The following CSMD3 variants were observed in gnomAD, a reference collection of about 807,000 sequenced individuals.
CSMD3 encodes CUB and sushi domain-containing protein 3.
CSMD3 carries 177 observed loss-of-function variants against 435.2 expected under a neutral mutation model. The observed-to-expected ratio is 0.41, with a 90% CI of 0.36 to 0.46. The LOEUF is 0.46. CSMD3 is among the 20% of genes least tolerant of loss of function. The pLI is 0.34. For synonymous variants in CSMD3, 1,656 were observed against 1,520.5 expected (o/e 1.09, Z -2.07); for missense variants, 4,265 against 4,504.6 (o/e 0.95, Z 1.52).
chr8:113,340,333 T>C (rs1457870444), intron 1 of CSMD3, among the ~76,000 whole-genome samples: 5 of 152,110 alleles, frequency 3.3e-5, no homozygotes, highest in Non-Finnish European at 2.9e-5. Flanking sequence ...GTTTGTACTA[T>C]TGTTTCTGTG....
chr8:112,365,678 T>C (rs1030926064), intron 38 of CSMD3, among the ~76,000 whole-genome samples: 46 of 152,224 alleles, frequency 3.0e-4, no homozygotes, highest in South Asian at 1.0e-3. Flanking sequence ...GTGAAATTCA[T>C]TGATGCTTTA....
Position 112,291,897 on chromosome 8 carries a change from T to A in CSMD3, c.8789-202A>T, listed in dbSNP as rs554401939. Among the ~76,000 whole-genome samples the A allele has an allele frequency of 4.0e-5, 6 of 151,896 alleles. No homozygotes were observed. The East Asian group carries it at 1.2e-3, about 29-fold the overall frequency. On this transcript the variant is annotated intron_variant, in intron 55 of 70. Transcript: ENST00000297405. The stretch of plus-strand genomic sequence containing the variant: ...AGAAAATACAGAAGAAAGAAAAAAA[T>A]TTGGCAACAATTAGGAAAATAGCAA...
chr8:112,567,066 G>A (rs1829116453), intron 24 of CSMD3, among the ~76,000 whole-genome samples: 1 of 151,998 alleles, frequency 6.6e-6, no homozygotes, highest in Admixed American at 6.6e-5. Context: ...AGATTCCCTT[G>A]GCATGAGATG....
rs138031282 is a variant in CSMD3, at chr8:113,133,223, T to C, written c.710-34260A>G. The stretch of plus-strand genomic sequence containing the variant: ...ACTTCTAAAATTCAACAACAAAAGA[T>C]AAGTTAAACTTCACTAAAAATGGAT... On this transcript the variant is annotated intron_variant, in intron 4 of 70. Transcript: ENST00000297405. Among the ~76,000 whole-genome samples, 899 of 152,250 alleles carry C rather than the reference T, an allele frequency of 5.9e-3. 4 individuals carry two copies. The highest frequency in any genetic ancestry group is 0.019 in the African/African-American group (798 of 41,572).
At chr8:112,553,816 G>C (rs1323750272) in intron 25 of CSMD3, among the ~76,000 whole-genome samples, 2 of 151,944 alleles carry the variant, frequency 1.3e-5, no homozygotes, top group African/African-American at 2.4e-5. Context: ...AAATTTGTAG[G>C]CTGCATATAT....
chr8:113,071,653 A>G (rs1169884618), intron 5 of CSMD3, among the ~76,000 whole-genome samples: 2 of 151,758 alleles, frequency 1.3e-5, no homozygotes, highest in Non-Finnish European at 1.5e-5. Flanking sequence ...TTGTCTATCT[A>G]TTCTGTTCCA....
At chr8:112,431,945 A>C (rs568110920) in intron 32 of CSMD3, among the ~76,000 whole-genome samples, 34 of 152,078 alleles carry the variant, frequency 2.2e-4, no homozygotes, top group Non-Finnish European at 4.4e-4. Flanking sequence ...TCTCTTGGAG[A>C]ATCTACCTCT....
chr8:113,160,550 C>T (rs1233573111), intron 4 of CSMD3, among the ~76,000 whole-genome samples: 2 of 151,990 alleles, frequency 1.3e-5, no homozygotes, highest in Non-Finnish European at 2.9e-5. Flanking sequence ...AGAAAGAATT[C>T]TAACTTTTGA....
At chr8:112,898,978 T>C (rs2082027415) in intron 10 of CSMD3, among the ~76,000 whole-genome samples, 2 of 151,250 alleles carry the variant, frequency 1.3e-5, no homozygotes, top group Non-Finnish European at 3.0e-5. Context: ...ATAATTCATC[T>C]TGGTAAAGTG....
At chr8:112,563,185 A>G (rs1828789406) in intron 24 of CSMD3, among the ~76,000 whole-genome samples, 1 of 151,842 alleles carries the variant, frequency 6.6e-6, no homozygotes, top group Non-Finnish European at 1.5e-5. Context: ...TCTTTTTCTC[A>G]TTAATAGAAC....
At chr8:113,162,561 G>A (rs192506312) in intron 4 of CSMD3, among the ~76,000 whole-genome samples, 8 of 127,172 alleles carry the variant, frequency 6.3e-5, no homozygotes, top group Non-Finnish European at 1.1e-4. Context: ...GTGAAACTCC[G>A]TCCCCACATC....
chr8:112,448,640 T>C (rs1346276317), intron 32 of CSMD3, among the ~76,000 whole-genome samples: 2 of 152,058 alleles, frequency 1.3e-5, no homozygotes, highest in Non-Finnish European at 2.9e-5. Context: ...ACTTTCAGCC[T>C]TCAAAACTGT....
chr8:112,950,486 T>G (rs2130810666), intron 8 of CSMD3, among the ~76,000 whole-genome samples: 1 of 152,120 alleles, frequency 6.6e-6, no homozygotes, highest in Non-Finnish European at 1.5e-5. Context: ...ATCCCATTTT[T>G]TACATTTCAC....
intron 5 of CSMD3, among the ~76,000 whole-genome samples, chr8:113,082,235 C>G (rs144155615): frequency 1.5e-3 from 225 of 152,182 alleles, no homozygotes; most frequent in Non-Finnish European, 2.3e-3. Flanking sequence ...GAGGATAGAC[C>G]CACCTGGGGC....
intron 27 of CSMD3, among the ~76,000 whole-genome samples, chr8:112,523,612 G>A (rs965214647): frequency 3.3e-5 from 5 of 151,806 alleles, no homozygotes; most frequent in African/African-American, 1.2e-4. Flanking sequence ...ATGGGTAATG[G>A]GAATACTTAA....
intron 38 of CSMD3, among the ~76,000 whole-genome samples, chr8:112,374,426 G>T (rs569011794): frequency 6.6e-6 from 1 of 151,768 alleles, no homozygotes; most frequent in Non-Finnish European, 1.5e-5. Context: ...CACTGACTTT[G>T]TTTAAAAATA....
At chr8:113,392,374 T>C (rs2094464607) in intron 1 of CSMD3, among the ~76,000 whole-genome samples, 1 of 152,078 alleles carries the variant, frequency 6.6e-6, no homozygotes, top group African/African-American at 2.4e-5. Context: ...TAAATAATTA[T>C]GGGGAAGTGG....
intron 6 of CSMD3, among the ~76,000 whole-genome samples, chr8:113,009,906 A>T (rs1451381849): frequency 2.6e-5 from 4 of 151,754 alleles, no homozygotes; most frequent in Non-Finnish European, 5.9e-5. Context: ...AGCAGATGGT[A>T]TTATTATTTG....
chr8:112,536,901 C>T (rs975031482), intron 27 of CSMD3, among the ~76,000 whole-genome samples: 2 of 151,874 alleles, frequency 1.3e-5, no homozygotes, highest in Admixed American at 6.6e-5. Flanking sequence ...TCATCATTCT[C>T]AGTAAACTAT....
Sources: allele counts gnomAD v4.1 joint callset (sites outside exome capture counted in the v4.1 genomes callset), GRCh38; gene constraint gnomAD v4.1.1; transcripts MANE v1.5; gene names NCBI Gene and HGNC (gene_info 2026-07-23, HGNC 2026-07-21).